The following XYLT1 variants were observed in gnomAD, a reference collection of about 807,000 sequenced individuals.
XYLT1 encodes the protein beta-D-xylosyltransferase 1.
Under a neutral mutation model 91.3 loss-of-function variants are expected in XYLT1, and 36 were observed. The ratio of observed to expected loss-of-function variants is 0.39; its 90% CI spans 0.30 to 0.52. XYLT1 has a LOEUF of 0.52. Ranked by LOEUF, XYLT1 falls within the 20% of genes least tolerant of loss-of-function variation. The pLI is 0.68. For missense variants in XYLT1, 1,242 were observed against 1,284.5 expected, an observed-to-expected ratio of 0.97 and a Z score of 0.51; for synonymous variants, 588 against 532.0, an observed-to-expected ratio of 1.11 and a Z score of -1.45.
rs975431388 is a variant in XYLT1 at position 17,105,140 on chromosome 16, C to T, written c.*3555G>A. On this transcript the variant is annotated 3_prime_UTR_variant, in exon 12 of 12. Coordinates refer to ENST00000261381, the MANE Select transcript of XYLT1 (RefSeq NM_022166.4). ...TGGTTGTGAAAGGACTCTTTATTCA[C>T]ACCCCACTGCCAGTAGCTACTGCCC... The T allele has an allele frequency of 2.0e-5, 3 of 152,248 alleles. No individual in the cohort carries two copies. Among genetic ancestry groups the T allele is most frequent in the Non-Finnish European group, 4.4e-5 (3 of 68,086 alleles). The allele number at this position is 152,248 out of a possible 1,614,324, so 9.4% of individuals were successfully genotyped here.
chr16:17,109,389 T>C (rs1966823370), intron 11 of XYLT1, among the ~76,000 whole-genome samples: 1 of 152,198 alleles, frequency 6.6e-6, no homozygotes, highest in Admixed American at 6.5e-5. Flanking sequence ...TCTCATTTGA[T>C]AAAGACATAT....
chr16:17,193,413 A>T (rs892440927), intron 5 of XYLT1: 2 of 150,230 alleles, frequency 1.3e-5, no homozygotes, highest in East Asian at 3.9e-4. Flanking sequence ...GTGGGGCAGA[A>T]TCTGAAACCA....
chr16:17,157,327 C>G (rs1396045382), intron 6 of XYLT1, among the ~76,000 whole-genome samples: 1 of 152,116 alleles, frequency 6.6e-6, no homozygotes, highest in Non-Finnish European at 1.5e-5. Flanking sequence ...ACTGGGTAAA[C>G]TGTCACAGAG....
At chr16:17,281,147 C>A (rs1399606408) in intron 2 of XYLT1, among the ~76,000 whole-genome samples, 2 of 152,200 alleles carry the variant, frequency 1.3e-5, no homozygotes, top group African/African-American at 4.8e-5. Context: ...GTGAAGGAAG[C>A]ATCTGATAGG....
At chr16:17,400,876 C>A (rs1305791625) in intron 1 of XYLT1, among the ~76,000 whole-genome samples, 1 of 151,876 alleles carries the variant, frequency 6.6e-6, no homozygotes, top group Non-Finnish European at 1.5e-5. Flanking sequence ...AAAGTAGTAA[C>A]CCTATACTGG....
intron 2 of XYLT1, among the ~76,000 whole-genome samples, chr16:17,330,738 G>A (rs746000192): frequency 2.0e-5 from 3 of 151,770 alleles, no homozygotes; most frequent in Admixed American, 6.6e-5. Flanking sequence ...AGGTAGTAAT[G>A]AGCCAAGATC....
At chr16:17,303,137 G>A (rs571437613) in intron 2 of XYLT1, among the ~76,000 whole-genome samples, 3 of 152,128 alleles carry the variant, frequency 2.0e-5, no homozygotes, top group Non-Finnish European at 4.4e-5. Context: ...CAAAGAATTG[G>A]GCTCCCTGCA....
chr16:17,196,023 A>G (rs2032420910), intron 5 of XYLT1, among the ~76,000 whole-genome samples: 2 of 152,238 alleles, frequency 1.3e-5, no homozygotes, highest in African/African-American at 4.8e-5. Context: ...TGGACAAAAG[A>G]AAACAGTTGT....
At chr16:17,302,633 G>A (rs2034413281) in intron 2 of XYLT1, among the ~76,000 whole-genome samples, 1 of 152,190 alleles carries the variant, frequency 6.6e-6, no homozygotes, top group Admixed American at 6.5e-5. Flanking sequence ...CCAGCTCCAA[G>A]GTATGATGGT....
At chr16:17,236,443 A>G (rs1331709723) in intron 3 of XYLT1, among the ~76,000 whole-genome samples, 4 of 152,084 alleles carry the variant, frequency 2.6e-5, no homozygotes, top group African/African-American at 7.2e-5. Flanking sequence ...AAAAAAAAAA[A>G]AAAGGCTGGA....
chr16:17,323,735 G>A (rs2034760074), intron 2 of XYLT1, among the ~76,000 whole-genome samples: 2 of 151,962 alleles, frequency 1.3e-5, no homozygotes, highest in African/African-American at 4.8e-5. Flanking sequence ...GTGTGTAGCT[G>A]CTTTCTCTGG....
chr16:17,331,991 C>A (rs2034904771), intron 2 of XYLT1, among the ~76,000 whole-genome samples: 1 of 152,170 alleles, frequency 6.6e-6, no homozygotes. Context: ...TCCCTGCCAG[C>A]CTCTGGGATT....
intron 1 of XYLT1, among the ~76,000 whole-genome samples, chr16:17,455,533 T>C (rs1465637493): frequency 1.3e-5 from 2 of 151,950 alleles, no homozygotes; most frequent in Non-Finnish European, 2.9e-5. Context: ...GGCGAATCAC[T>C]TGAGGTCAGA....
chr16:17,276,528 C>T (rs1355172708), intron 2 of XYLT1, among the ~76,000 whole-genome samples: 1 of 152,220 alleles, frequency 6.6e-6, no homozygotes, highest in Non-Finnish European at 1.5e-5. Context: ...CTGACATTTT[C>T]TACCAAGTTT....
chr16:17,341,141 C>G (rs1020619204), intron 2 of XYLT1, among the ~76,000 whole-genome samples: 1 of 152,140 alleles, frequency 6.6e-6, no homozygotes, highest in African/African-American at 2.4e-5. Flanking sequence ...AATCTAGTCA[C>G]TTACCCTACA....
At chr16:17,361,774 A>C (rs2035385449) in intron 1 of XYLT1, among the ~76,000 whole-genome samples, 1 of 152,252 alleles carries the variant, frequency 6.6e-6, no homozygotes, top group Non-Finnish European at 1.5e-5. Flanking sequence ...TTTTGCCTGA[A>C]AATACATACA....
At chr16:17,394,430 A>C (rs9928259) in intron 1 of XYLT1, among the ~76,000 whole-genome samples, 68,842 of 152,042 alleles carry the variant, frequency 0.45, 16,646 homozygotes, top group African/African-American at 0.6. Flanking sequence ...CAGCTTTTTC[A>C]TTCTGCTCTC....
intron 2 of XYLT1, among the ~76,000 whole-genome samples, chr16:17,314,212 G>A (rs2034591998): frequency 6.6e-6 from 1 of 152,162 alleles, no homozygotes; most frequent in South Asian, 2.1e-4. Flanking sequence ...GAAGCAACAG[G>A]CCCCTTGTGT....
In XYLT1 at chr16:17,259,332, T is replaced by G; in HGVS notation, c.569A>C (p.Lys190Thr). 1 of 1,614,188 alleles carries G rather than the reference T, an allele frequency of 6.2e-7. No individual in the cohort carries two copies. The highest frequency in any genetic ancestry group is 8.5e-7 in the Non-Finnish European group (1 of 1,180,030). The change falls in exon 3 of 12, where the codon AAG (lysine) becomes ACG (threonine). Residue 190 changes from lysine to threonine, a missense_variant. Lys to Thr is a moderately conservative substitution (Grantham distance 78, BLOSUM62 -1). This residue lies in a region of XYLT1 where 437 missense variants were observed against 411.5 expected (regional missense o/e 1.06). Transcript: ENST00000261381. Reference sequence around the variant, plus strand: ...TTCCAGCTTCCTTTTCAAAAGCTCCTTCTGTCTACTCGGTGGCTTCTTCGC... The same window carrying G: ...TTCCAGCTTCCTTTTCAAAAGCTCCGTCTGTCTACTCGGTGGCTTCTTCGC... ...ELAKKPPSRQ[K>T]ELLKRKLEQQ...
Sources: gnomAD v4.1 joint callset for allele counts (sites outside exome capture counted in the v4.1 genomes callset) on GRCh38, gnomAD v4.1.1 for gene constraint, gnomAD v4.1.1 regional missense constraint, MANE v1.5 for transcripts, NCBI Gene and HGNC (gene_info 2026-07-23, HGNC 2026-07-21) for gene names.